Variants in PFDN1 observed in about 807,000 individuals in gnomAD.
PFDN1 encodes prefoldin 1.
In PFDN1, 6 loss-of-function variants were observed where a neutral mutation model predicts 17.3. The ratio of observed to expected loss-of-function variants is 0.35; its 90% CI spans 0.19 to 0.69. PFDN1 has a LOEUF of 0.69. Among genes scored for constraint, PFDN1 ranks in the 30% least tolerant of loss-of-function variants. The pLI, the probability that PFDN1 is intolerant of heterozygous loss-of-function variation, is 0.65. For synonymous variants in PFDN1, 58 were observed against 50.1 expected, an observed-to-expected ratio of 1.16 and a Z score of -0.67; for missense variants, 113 against 146.2, an observed-to-expected ratio of 0.77 and a Z score of 1.17.
chr5:140,298,942 G>C (rs1765694030), intron 2 of PFDN1, among the ~76,000 whole-genome samples: 1 of 151,932 alleles, frequency 6.6e-6, no homozygotes, highest in East Asian at 1.9e-4. Context: ...GTAGAGATGG[G>C]GTTTCACCAT....
intron 3 of PFDN1, among the ~76,000 whole-genome samples, chr5:140,280,385 A>T (rs1186493773): frequency 2.0e-5 from 3 of 152,226 alleles, no homozygotes; most frequent in Middle Eastern, 3.2e-3. Flanking sequence ...ATGTTAAAAT[A>T]GGACACAACA....
intron 2 of PFDN1, among the ~76,000 whole-genome samples, chr5:140,299,966 C>T (rs969842784): frequency 6.6e-6 from 1 of 152,062 alleles, no homozygotes; most frequent in Non-Finnish European, 1.5e-5. Context: ...GAGCCAAGAT[C>T]GGGCCATTGC....
At chr5:140,275,742 G>A (rs1029476190) in intron 3 of PFDN1, among the ~76,000 whole-genome samples, 2 of 152,144 alleles carry the variant, frequency 1.3e-5, no homozygotes, top group Admixed American at 1.3e-4. Context: ...TAGAGAACCT[G>A]AATCAGACCA....
At chr5:140,285,071 A>T (rs1765464881) in intron 2 of PFDN1, among the ~76,000 whole-genome samples, 1 of 152,206 alleles carries the variant, frequency 6.6e-6, no homozygotes. Flanking sequence ...CATTTTGGAC[A>T]CAATTTCCAA....
At position 140,264,094 on chromosome 5, in the gene PFDN1, C is replaced by T. The variant is rs1410339888; in HGVS notation, c.285+17355G>A. Reference sequence around the variant, plus strand: ...AAGGCAATGGGGAGCCAGCACGTCACATGGTGAAAGCGAGGCAAAAGAGAG... The same window carrying T: ...AAGGCAATGGGGAGCCAGCACGTCATATGGTGAAAGCGAGGCAAAAGAGAG... On this transcript the variant is annotated intron_variant, in intron 3 of 3. Coordinates refer to ENST00000261813, the MANE Select transcript of PFDN1 (RefSeq NM_002622.5). 7.3e-5 allele frequency among the ~76,000 whole-genome samples: 10 copies of T among 136,516 alleles called. No homozygotes were observed. The East Asian group carries it at 2.3e-3, about 31-fold the overall frequency. 89.6% of individuals were successfully genotyped at this position (136,516 alleles called of 152,430 possible). A position where few individuals can be genotyped will look rare whatever the true frequency, so the allele number is the denominator to read the frequency against.
chr5:140,286,280 C>T (rs1487609976), intron 2 of PFDN1, among the ~76,000 whole-genome samples: 1 of 150,784 alleles, frequency 6.6e-6, no homozygotes, highest in Non-Finnish European at 1.5e-5. Flanking sequence ...GGTGTGGTGG[C>T]GGGTGCCTGT....
intron 3 of PFDN1, among the ~76,000 whole-genome samples, chr5:140,252,662 G>T (rs1764930338): frequency 6.6e-6 from 1 of 152,182 alleles, no homozygotes; most frequent in Admixed American, 6.5e-5. Flanking sequence ...CCCACAATGG[G>T]GATGTTTGGC....
intron 3 of PFDN1, among the ~76,000 whole-genome samples, chr5:140,269,282 G>T (rs1266667400): frequency 6.6e-6 from 1 of 151,714 alleles, no homozygotes; most frequent in Non-Finnish European, 1.5e-5. Context: ...CAAAGTGCTG[G>T]GATTATAGGC....
chr5:140,255,963 T>C (rs867340732), intron 3 of PFDN1, among the ~76,000 whole-genome samples: 1 of 152,134 alleles, frequency 6.6e-6, no homozygotes, highest in Non-Finnish European at 1.5e-5. Flanking sequence ...TTGGCTGTGA[T>C]TCAAGTCCAA....
At chr5:140,275,147 A>G (rs6879174) in intron 3 of PFDN1, among the ~76,000 whole-genome samples, 71,757 of 151,820 alleles carry the variant, frequency 0.47, 17,193 homozygotes, top group South Asian at 0.71. Flanking sequence ...GGTGGCTCAC[A>G]CCTGTAATCC....
At chr5:140,273,934 C>T (rs1765251222) in intron 3 of PFDN1, 13 of 980,726 alleles carry the variant, frequency 1.3e-5, no homozygotes, top group Non-Finnish European at 1.6e-5. Flanking sequence ...AACTGGCCTC[C>T]ACCTGGAACA....
At chr5:140,257,117 G>T in intron 3 of PFDN1, among the ~76,000 whole-genome samples, 1 of 152,022 alleles carries the variant, frequency 6.6e-6, no homozygotes. Context: ...CAGCTACTCA[G>T]GAGGCTGAGG....
intron 3 of PFDN1, among the ~76,000 whole-genome samples, chr5:140,271,997 G>T (rs1292392431): frequency 7.0e-6 from 1 of 143,114 alleles, no homozygotes; most frequent in Admixed American, 7.1e-5. Flanking sequence ...ATATACATAA[G>T]ATATATTTAT....
intron 3 of PFDN1, among the ~76,000 whole-genome samples, chr5:140,252,683 G>A (rs958603737): frequency 6.6e-6 from 1 of 152,242 alleles, no homozygotes; most frequent in Non-Finnish European, 1.5e-5. Flanking sequence ...AAGAGGCCAA[G>A]AACTCACTGA....
intron 3 of PFDN1, chr5:140,273,968 C>A: frequency 1.4e-6 from 1 of 705,780 alleles, no homozygotes; most frequent in Non-Finnish European, 1.7e-6. Context: ...GCAATGGTGG[C>A]AAAAATGTGT....
chr5:140,285,341 C>G (rs1353235299), intron 2 of PFDN1, among the ~76,000 whole-genome samples: 13 of 149,014 alleles, frequency 8.7e-5, no homozygotes, highest in Admixed American at 4.6e-4. Flanking sequence ...GAGCGAGACT[C>G]CATCTCAAAA....
intron 3 of PFDN1, among the ~76,000 whole-genome samples, chr5:140,275,505 C>G (rs1460368218): frequency 6.6e-6 from 1 of 152,134 alleles, no homozygotes; most frequent in African/African-American, 2.4e-5. Context: ...TACCCCCACC[C>G]CTGCCTATAA....
intron 3 of PFDN1, among the ~76,000 whole-genome samples, chr5:140,251,281 AC>A (rs1764909025): frequency 6.6e-6 from 1 of 152,216 alleles, no homozygotes; most frequent in Non-Finnish European, 1.5e-5. Context: ...ATAAATCTAT[AC>A]AATTATGAAT....
At chr5:140,292,766 ACACACTAGTAAT>A (rs1353803174) in intron 2 of PFDN1, 1 of 152,154 alleles carries the variant, frequency 6.6e-6, no homozygotes, top group African/African-American at 2.4e-5. Flanking sequence ...GGTACATGTA[ACACACTAGTAAT>A]CCTAAGTATT....
Sources: gnomAD v4.1 joint callset for allele counts (sites outside exome capture counted in the v4.1 genomes callset) on GRCh38, gnomAD v4.1.1 for gene constraint, MANE v1.5 for transcripts, NCBI Gene and HGNC (gene_info 2026-07-23, HGNC 2026-07-21) for gene names.